PDE3A: variants seen among roughly 807,000 people sequenced by gnomAD.
PDE3A encodes the protein phosphodiesterase 3A.
A neutral mutation model predicts 98.3 loss-of-function variants in PDE3A; 43 were observed. The ratio of observed to expected loss-of-function variants is 0.44; its 90% confidence interval spans 0.34 to 0.56. PDE3A has a LOEUF of 0.56. PDE3A is among the 20% of genes least tolerant of loss of function. The pLI is 0.01. For missense variants in PDE3A, 1,427 were observed against 1,440.7 expected (o/e 0.99, Z 0.15); for synonymous variants, 663 against 567.9 (o/e 1.17, Z -2.38).
rs374362204 is a variant in PDE3A at position 20,654,079 on chromosome 12, G to C, written c.3058G>C (p.Gly1020Arg). ...TCTGTGCAACTCCTATGATTCAGCA[G>C]GACTAATGCCTGGAAAATGGGTGGA... ...GPLCNSYDSA[G>R]LMPGKWVEDS... is the part of the protein sequence containing the mutation. The change falls in exon 15 of 16, where the codon GGA (glycine) becomes CGA (arginine). Residue 1020 changes from glycine (G) to arginine (R), a missense_variant. Coordinates refer to ENST00000359062, the MANE Select transcript of PDE3A (RefSeq NM_000921.5). 3 of 1,614,098 alleles carry C rather than the reference G, an allele frequency of 1.9e-6. No homozygotes were observed.
At chr12:20,491,056 G>T (rs1170787334) in intron 1 of PDE3A, among the ~76,000 whole-genome samples, 1 of 152,146 alleles carries the variant, frequency 6.6e-6, no homozygotes, top group Admixed American at 6.5e-5. Context: ...AATCTAGCCT[G>T]GGAAACAGAG....
chr12:20,617,626 A>G (rs1944036899), intron 4 of PDE3A, among the ~76,000 whole-genome samples: 1 of 152,142 alleles, frequency 6.6e-6, no homozygotes, highest in East Asian at 1.9e-4. Flanking sequence ...GCTTAATAAA[A>G]TGAATTATGT....
chr12:20,629,200 T>C (rs1301584050), intron 5 of PDE3A, among the ~76,000 whole-genome samples: 1 of 152,204 alleles, frequency 6.6e-6, no homozygotes, highest in African/African-American at 2.4e-5. Flanking sequence ...TCTAAGCCAG[T>C]ATCCTGTAAA....
At position 20,635,768 on chromosome 12, in the gene PDE3A, A is replaced by G. The variant is rs971407431; in HGVS notation, c.2001+712A>G. Among the ~76,000 whole-genome samples the G allele has an allele frequency of 2.7e-4, 41 of 151,654 alleles. No homozygotes were observed. In the East Asian group the frequency reaches 3.1e-3, roughly 11 times the overall value. On this transcript the variant is annotated intron_variant, in intron 8 of 15. Coordinates refer to ENST00000359062, the MANE Select transcript of PDE3A (RefSeq NM_000921.5). ...ACTCTATCTCAAAAAAAAAAAAAAA[A>G]AAAGAAATTAATCTCTGAAACATGA... is the stretch of plus-strand genomic sequence containing the variant.
chr12:20,522,994 C>CCT (rs896289560), intron 1 of PDE3A, among the ~76,000 whole-genome samples: 7 of 151,436 alleles, frequency 4.6e-5, no homozygotes, highest in Admixed American at 2.0e-4. Flanking sequence ...ACTAGTTAGC[C>CCT]TGAGATCACC....
At chr12:20,382,663 T>C (rs935459995) in intron 1 of PDE3A, among the ~76,000 whole-genome samples, 2 of 151,972 alleles carry the variant, frequency 1.3e-5, no homozygotes, top group Non-Finnish European at 2.9e-5. Context: ...GCTTGTAATA[T>C]ATACCAGTTT....
Position 20,369,704 on chromosome 12 carries a change from G to A in PDE3A, c.420G>A (p.Leu140=), listed in dbSNP as rs768522123. ...CCTCGGCGCTGCTCTTCAGTCTCCT[G>A]TGTGCCTTCTTCTGGATGGGCTTGT... ...LQPSALLFSL[L]CAFFWMGLYL... is the part of the protein sequence containing the mutation. The change falls in exon 1 of 16, where the codon CTG becomes CTA. Residue 140 remains leucine, a synonymous_variant. Coordinates refer to ENST00000359062, the MANE Select transcript of PDE3A (RefSeq NM_000921.5). The A allele has an allele frequency of 4.3e-6, 7 of 1,612,082 alleles. No homozygotes were observed. The South Asian group carries it at 5.5e-5, about 13-fold the overall frequency.
intron 2 of PDE3A, among the ~76,000 whole-genome samples, chr12:20,561,264 A>G (rs79159654): frequency 0.016 from 2,429 of 152,264 alleles, 69 homozygotes; most frequent in African/African-American, 0.055. Context: ...CTAAAAAAAA[A>G]AGATATTTCT....
intron 1 of PDE3A, among the ~76,000 whole-genome samples, chr12:20,498,878 T>TGCCTCAG (rs1392094476): frequency 6.6e-6 from 1 of 152,142 alleles, no homozygotes; most frequent in African/African-American, 2.4e-5. Flanking sequence ...TCTGCCCCTC[T>TGCCTCAG]GCCTCAGTAT....
chr12:20,396,545 T>G lies in PDE3A; in HGVS notation c.960+26301T>G, dbSNP rs1944021682. Reference sequence around the variant, plus strand: ...AAAGCATATTATTTAAACTTCCAGTTGACAAAAACTGGAAGACATACATAC... The same window carrying G: ...AAAGCATATTATTTAAACTTCCAGTGGACAAAAACTGGAAGACATACATAC... On this transcript the variant is annotated intron_variant, in intron 1 of 15. Coordinates refer to ENST00000359062, the MANE Select transcript of PDE3A (RefSeq NM_000921.5). 2.6e-5 allele frequency among the ~76,000 whole-genome samples: 4 copies of G among 152,138 alleles called. No individual in the cohort carries two copies. The South Asian group carries it at 6.2e-4, about 24-fold the overall frequency.
At chr12:20,626,517 A>G (rs531335394) in intron 5 of PDE3A, among the ~76,000 whole-genome samples, 1 of 152,132 alleles carries the variant, frequency 6.6e-6, no homozygotes, top group South Asian at 2.1e-4. Context: ...TTTTTGTGAG[A>G]TGGATTCTTG....
chr12:20,573,920 C>T (rs1942865909), intron 2 of PDE3A, among the ~76,000 whole-genome samples: 1 of 151,992 alleles, frequency 6.6e-6, no homozygotes, highest in Non-Finnish European at 1.5e-5. Flanking sequence ...TTCAGAATTG[C>T]TTTTCTGACA....
At chr12:20,505,774 A>AC (rs1946105661) in intron 1 of PDE3A, among the ~76,000 whole-genome samples, 3 of 152,206 alleles carry the variant, frequency 2.0e-5, no homozygotes, top group African/African-American at 7.2e-5. Context: ...TTTAATGAGG[A>AC]AGTCTTCAGG....
chr12:20,425,370 A>G (rs1210283299), intron 1 of PDE3A, among the ~76,000 whole-genome samples: 1 of 152,150 alleles, frequency 6.6e-6, no homozygotes, highest in Non-Finnish European at 1.5e-5. Context: ...GTGTCTCTTT[A>G]AAGAGAATAT....
intron 1 of PDE3A, among the ~76,000 whole-genome samples, chr12:20,430,769 T>C (rs183175538): frequency 1.6e-3 from 240 of 152,306 alleles, no homozygotes; most frequent in Middle Eastern, 6.8e-3. Context: ...AGTTCTCCAC[T>C]TTTAGTGTAT....
At chr12:20,555,905 T>C (rs1410765282) in intron 1 of PDE3A, among the ~76,000 whole-genome samples, 2 of 152,228 alleles carry the variant, frequency 1.3e-5, no homozygotes, top group Non-Finnish European at 2.9e-5. Flanking sequence ...AATTCATTTA[T>C]AGTCCATCTT....
intron 1 of PDE3A, among the ~76,000 whole-genome samples, chr12:20,529,152 C>A (rs1309667677): frequency 6.6e-6 from 1 of 152,074 alleles, no homozygotes; most frequent in Admixed American, 6.5e-5. Flanking sequence ...AATCATAGGT[C>A]AATTACTACA....
rs565142188 is a variant in PDE3A at position 20,667,807 on chromosome 12, T to C, written c.3185-12223T>C. Among the ~76,000 whole-genome samples the C allele has an allele frequency of 3.3e-5, 5 of 152,262 alleles. No homozygotes were observed. The South Asian group carries it at 1.0e-3, about 32-fold the overall frequency. Reference sequence around the variant, plus strand: ...TTGTTTTTCCTGTTTTTCTGAATAATGTATTGGTATTTTAAAAATAAAGAT... The same window carrying C: ...TTGTTTTTCCTGTTTTTCTGAATAACGTATTGGTATTTTAAAAATAAAGAT... On this transcript the variant is annotated intron_variant, in intron 15 of 15. Coordinates refer to ENST00000359062, the MANE Select transcript of PDE3A (RefSeq NM_000921.5).
At chr12:20,469,655 A>T (rs895389018) in intron 1 of PDE3A, among the ~76,000 whole-genome samples, 1 of 152,236 alleles carries the variant, frequency 6.6e-6, no homozygotes, top group Admixed American at 6.5e-5. Context: ...TCTCCCTTCT[A>T]ATAAACATGG....
Sources: gnomAD v4.1 joint callset for allele counts (sites outside exome capture counted in the v4.1 genomes callset) on GRCh38, gnomAD v4.1.1 for gene constraint, MANE v1.5 for transcripts, NCBI Gene and HGNC (gene_info 2026-07-23, HGNC 2026-07-21) for gene names.